The following NGEF variants were observed in gnomAD, a reference collection of about 807,000 sequenced individuals.
NGEF encodes ephexin-1.
NGEF carries 31 observed loss-of-function variants against 80.9 expected under a neutral mutation model. The ratio of observed to expected loss-of-function variants is 0.38; its 90% CI spans 0.29 to 0.52. The LOEUF (loss-of-function observed/expected upper bound fraction) is 0.52, where lower values mean the gene tolerates loss of function less well. Ranked by LOEUF, NGEF falls within the 20% of genes least tolerant of loss-of-function variation. The pLI is 0.84. For missense variants in NGEF, 709 were observed against 926.2 expected (o/e 0.77, Z 3.04); for synonymous variants, 371 against 370.2 (o/e 1.00, Z -0.03).
intron 1 of NGEF, among the ~76,000 whole-genome samples, chr2:232,983,884 G>A (rs750309876): frequency 1.3e-5 from 2 of 152,198 alleles, no homozygotes; most frequent in African/African-American, 2.4e-5. Context: ...GGCTGCCACA[G>A]TCCAGCTGGG....
intron 1 of NGEF, among the ~76,000 whole-genome samples, chr2:232,989,405 C>T (rs1694605868): frequency 6.6e-6 from 1 of 152,178 alleles, no homozygotes. Flanking sequence ...TGAGATCGTG[C>T]CACTGCACTC....
intron 10 of NGEF, chr2:232,885,001 A>C: frequency 2.7e-6 from 1 of 373,654 alleles, no homozygotes; most frequent in Non-Finnish European, 4.9e-6. Flanking sequence ...CGCAGCGGGC[A>C]GGTGAGAGCA....
intron 1 of NGEF, among the ~76,000 whole-genome samples, chr2:232,982,711 A>C (rs1189660724): frequency 6.6e-6 from 1 of 152,160 alleles, no homozygotes; most frequent in East Asian, 1.9e-4. Context: ...ACAGTGTTTC[A>C]CCATGTTAGT....
chr2:232,887,179 C>T (rs922448116), intron 9 of NGEF, among the ~76,000 whole-genome samples: 2 of 152,244 alleles, frequency 1.3e-5, no homozygotes, highest in African/African-American at 4.8e-5. Flanking sequence ...TTGCTCTCCA[C>T]CATGACGGCG....
intron 3 of NGEF, among the ~76,000 whole-genome samples, chr2:232,940,011 A>AATTT (rs1693406545): frequency 6.6e-6 from 1 of 151,726 alleles, no homozygotes; most frequent in South Asian, 2.1e-4. Flanking sequence ...AAAAAAAAAA[A>AATTT]ATTTGAGGTC....
At chr2:232,984,144 G>T (rs1694490355) in intron 1 of NGEF, among the ~76,000 whole-genome samples, 1 of 152,200 alleles carries the variant, frequency 6.6e-6, no homozygotes, top group Non-Finnish European at 1.5e-5. Flanking sequence ...GAGTGCAGTA[G>T]CTCCATCATT....
Position 232,885,115 on chromosome 2 carries a change from G to A in NGEF, c.1437+165C>T, listed in dbSNP as rs1574985613. ...TGGTGGTGTCTGACGCCTGGTGGCA[G>A]GCGGGGTGGCTTCAGCTGGGGAGGT... On this transcript the variant is annotated intron_variant, in intron 10 of 14. Transcript: ENST00000264051. 7 of 621,026 alleles carry A rather than the reference G, an allele frequency of 1.1e-5. No homozygotes were observed. In the South Asian group the frequency reaches 1.3e-4, roughly 12 times the overall value. 38.5% of individuals were successfully genotyped at this position (621,026 alleles called of 1,614,324 possible). A position where few individuals can be genotyped will look rare whatever the true frequency, so the allele number is the denominator to read the frequency against.
chr2:232,948,124 G>C (rs1035916483), intron 3 of NGEF, among the ~76,000 whole-genome samples: 1 of 150,328 alleles, frequency 6.7e-6, no homozygotes, highest in Admixed American at 6.7e-5. Context: ...GGGGCCATGG[G>C]GTCATTTGAA....
intron 1 of NGEF, among the ~76,000 whole-genome samples, chr2:232,981,865 C>G (rs1694436059): frequency 6.6e-6 from 1 of 152,220 alleles, no homozygotes; most frequent in Admixed American, 6.5e-5. Flanking sequence ...CAAGGTGAAC[C>G]CACTGGGTGT....
At chr2:232,992,455 G>C (rs1360932480) in intron 1 of NGEF, among the ~76,000 whole-genome samples, 1 of 152,124 alleles carries the variant, frequency 6.6e-6, no homozygotes, top group African/African-American at 2.4e-5. Flanking sequence ...CTACTTGGGA[G>C]ACTGAAGTGG....
chr2:232,893,784 TAAAAA>T (rs1167443402), intron 6 of NGEF, among the ~76,000 whole-genome samples: 3 of 151,564 alleles, frequency 2.0e-5, no homozygotes, highest in African/African-American at 7.3e-5. Context: ...TCAAAAAAAA[TAAAAA>T]AGAAGTGCCG....
intron 1 of NGEF, among the ~76,000 whole-genome samples, chr2:232,986,918 A>G (rs1360932300): frequency 6.6e-6 from 1 of 152,228 alleles, no homozygotes; most frequent in Admixed American, 6.5e-5. Context: ...AAAATTATAT[A>G]CACAGTTTAT....
rs756040306 is a variant in NGEF, at chr2:232,891,478, C to T, written c.1152G>A (p.Lys384=). The T allele has an allele frequency of 3.1e-6, 5 of 1,612,692 alleles. No individual in the cohort carries two copies. The highest frequency in any genetic ancestry group is 4.2e-6 in the Non-Finnish European group (5 of 1,179,756). Residue 384 remains lysine (K), a synonymous_variant, in exon 8 of 15, where the codon AAG becomes AAA. Coordinates refer to ENST00000264051, the MANE Select transcript of NGEF (RefSeq NM_019850.3). Reference sequence around the variant, plus strand: ...GCGCGATCAGCTCCCGGAAAGCTGCCTTCTCCTGGCTGGGGACACAGACAG... The same window carrying T: ...GCGCGATCAGCTCCCGGAAAGCTGCTTTCTCCTGGCTGGGGACACAGACAG... ...ERTYKQLLQE[K]AAFRELIAQL...
intron 5 of NGEF, chr2:232,905,771 A>T (rs542034159): frequency 8.7e-5 from 32 of 366,116 alleles, no homozygotes; most frequent in Middle Eastern, 8.7e-4. Flanking sequence ...CTGGGATGTG[A>T]GGAGACCCTC....
intron 1 of NGEF, among the ~76,000 whole-genome samples, chr2:232,993,229 T>TATAAATAAAA: frequency 2.9e-5 from 1 of 34,726 alleles, no homozygotes; most frequent in Non-Finnish European, 5.5e-5. Flanking sequence ...GATACACACA[T>TATAAATAAAA]ATATATGTAT....
intron 5 of NGEF, among the ~76,000 whole-genome samples, chr2:232,900,613 T>TTCACAC (rs71058509): frequency 1.1e-4 from 4 of 37,716 alleles, no homozygotes; most frequent in African/African-American, 4.6e-4. Flanking sequence ...TTCACTCACA[T>TTCACAC]ACACACACGC....
chr2:232,879,461 CTGCT>C lies in NGEF; in HGVS notation c.*24_*27del. 6.3e-7 allele frequency: 1 copy of C among 1,578,222 alleles called. No homozygotes were observed. Among genetic ancestry groups the C allele is most frequent in the Non-Finnish European group, 8.6e-7 (1 of 1,157,366 alleles). On this transcript the variant is annotated 3_prime_UTR_variant, in exon 15 of 15. Coordinates refer to ENST00000264051, the MANE Select transcript of NGEF (RefSeq NM_019850.3). ...CTTCTGTCGGGGTCTCATGCAGGCC[CTGCT>C]CCCGCTGGCCCCCTGGGTGGGGGTC...
chr2:232,955,571 T>G (rs1198599718), intron 3 of NGEF, among the ~76,000 whole-genome samples: 2 of 152,236 alleles, frequency 1.3e-5, no homozygotes, highest in Non-Finnish European at 2.9e-5. Context: ...TTGCCCAGGC[T>G]GGAGTGCAGT....
At chr2:233,004,162 C>T (rs1695039224) in intron 1 of NGEF, among the ~76,000 whole-genome samples, 1 of 152,156 alleles carries the variant, frequency 6.6e-6, no homozygotes, top group South Asian at 2.1e-4. Context: ...TCCTTGTACC[C>T]AAGGTCCTTG....
Sources: gnomAD v4.1 joint callset for allele counts (sites outside exome capture counted in the v4.1 genomes callset) on GRCh38, gnomAD v4.1.1 for gene constraint, MANE v1.5 for transcripts, NCBI Gene and HGNC (gene_info 2026-07-23, HGNC 2026-07-21) for gene names.